Variants in CCDC88C observed in about 807,000 individuals in gnomAD.
CCDC88C encodes the protein protein Daple.
A neutral mutation model predicts 198.8 loss-of-function variants in CCDC88C; 131 were observed. The ratio of observed to expected loss-of-function variants is 0.66; its 90% CI spans 0.57 to 0.76. The LOEUF (loss-of-function observed/expected upper bound fraction) is 0.76. Among genes scored for constraint, CCDC88C ranks in the 30% least tolerant of loss-of-function variants. The pLI is 0.00. For synonymous variants in CCDC88C, 1,166 were observed against 1,114.7 expected (o/e 1.05, Z -0.92); for missense variants, 2,553 against 2,631.6 (o/e 0.97, Z 0.65).
intron 10 of CCDC88C, among the ~76,000 whole-genome samples, chr14:91,337,212 T>A (rs1893086275): frequency 6.6e-6 from 1 of 152,238 alleles, no homozygotes; most frequent in Non-Finnish European, 1.5e-5. Flanking sequence ...CCCTTTCACC[T>A]ACATTTTTCC....
At chr14:91,321,370 C>A in intron 12 of CCDC88C, 66 bp from the exon 13 acceptor site, 1 of 1,500,250 alleles carries the variant, frequency 6.7e-7, no homozygotes. Context: ...CTGCCCCAAG[C>A]TCCGAGATGG....
At chr14:91,361,760 GA>G (rs1429291017) in intron 3 of CCDC88C, among the ~76,000 whole-genome samples, 4 of 152,116 alleles carry the variant, frequency 2.6e-5, no homozygotes, top group African/African-American at 9.7e-5. Flanking sequence ...AAGTCAATGT[GA>G]AAAAATTGTC....
chr14:91,412,327 A>C (rs1886831783), intron 2 of CCDC88C, among the ~76,000 whole-genome samples: 1 of 152,228 alleles, frequency 6.6e-6, no homozygotes, highest in African/African-American at 2.4e-5. Context: ...TTCGGAAGGC[A>C]CTAGAATATT....
Position 91,381,985 on chromosome 14 carries a change from T to C in CCDC88C, c.271-22274A>G, listed in dbSNP as rs917035601. ...CATCTTGTCTTCATTGTTTCACACT[T>C]TGACTCATCCTCTACTAGGATAGGT... is the stretch of plus-strand genomic sequence containing the variant. On this transcript the variant is annotated intron_variant, in intron 3 of 29. Coordinates refer to ENST00000389857, the MANE Select transcript of CCDC88C (RefSeq NM_001080414.4). This position sits in a 1 kb window ranked among gnomAD's most constrained non-coding sequence, Gnocchi z 4.2. 2.6e-5 allele frequency among the ~76,000 whole-genome samples: 4 copies of C among 152,156 alleles called. No homozygotes were observed. The highest frequency in any genetic ancestry group is 7.2e-5 in the African/African-American group (3 of 41,418).
intron 22 of CCDC88C, 70 bp from the exon 23 acceptor site, chr14:91,294,388 C>T (rs1890907077): frequency 1.3e-6 from 2 of 1,559,464 alleles, no homozygotes; most frequent in Non-Finnish European, 1.7e-6. Context: ...AACCTAGCTC[C>T]CAAAGGAAGA....
intron 3 of CCDC88C, among the ~76,000 whole-genome samples, chr14:91,378,235 T>A (rs1884572326): frequency 6.6e-6 from 1 of 152,100 alleles, no homozygotes; most frequent in Non-Finnish European, 1.5e-5. Flanking sequence ...CCAGCAGGCA[T>A]CCTGAAGTGG....
At chr14:91,306,849 T>C (rs1191722345) in intron 18 of CCDC88C, among the ~76,000 whole-genome samples, 189 bp downstream of exon 18, 3 of 152,240 alleles carry the variant, frequency 2.0e-5, no homozygotes, top group Admixed American at 2.0e-4. Flanking sequence ...GTGCCCCTGA[T>C]GTGAGAATCA....
At chr14:91,403,426 TGAA>T (rs1465971667) in intron 3 of CCDC88C, among the ~76,000 whole-genome samples, 8 of 152,186 alleles carry the variant, frequency 5.3e-5, no homozygotes, top group Admixed American at 5.2e-4. Flanking sequence ...GGCGCCGGAC[TGAA>T]GGTGTCCAGG....
chr14:91,325,051 A>C lies in CCDC88C; in HGVS notation c.1198-128T>G. On this transcript the variant is annotated intron_variant, in intron 11 of 29. Transcript: ENST00000389857. The surrounding 1 kb of genome is among the most constrained non-coding windows in gnomAD (Gnocchi z 4.1). ...GATGTACTGGCTCACTTCCAAATAA[A>C]CAGAGCTGCACAGAAACATCCCAAC... 4.3e-6 allele frequency: 5 copies of C among 1,151,896 alleles called. No homozygotes were observed. Among genetic ancestry groups the C allele is most frequent in the East Asian group, 2.5e-5 (1 of 39,336 alleles). 71.4% of individuals were successfully genotyped at this position (1,151,896 alleles called of 1,614,324 possible).
At chr14:91,364,797 C>T (rs934578409) in intron 3 of CCDC88C, among the ~76,000 whole-genome samples, 2 of 152,204 alleles carry the variant, frequency 1.3e-5, no homozygotes, top group African/African-American at 2.4e-5. Context: ...AGGCCTGTAG[C>T]GGTGGCTTTC....
At chr14:91,400,564 A>T (rs1274463571) in intron 3 of CCDC88C, among the ~76,000 whole-genome samples, 2 of 152,192 alleles carry the variant, frequency 1.3e-5, no homozygotes, top group Admixed American at 6.5e-5. Flanking sequence ...CTCTAACCCC[A>T]CTACGATTCC....
chr14:91,302,801 A>G (rs1891359792), intron 20 of CCDC88C, among the ~76,000 whole-genome samples: 1 of 152,120 alleles, frequency 6.6e-6, no homozygotes, highest in Non-Finnish European at 1.5e-5. Context: ...AGCAAGCGAG[A>G]CCTTGATATG....
rs1418510757 is a variant in CCDC88C, at chr14:91,284,427, C to T, written c.4442-910G>A. On this transcript the variant is annotated intron_variant, in intron 25 of 29. Transcript: ENST00000389857. This position sits in a 1 kb window ranked among gnomAD's most constrained non-coding sequence, Gnocchi z 4.1. ...GGGAAATTTGGATTTTGAAAGATAACCTTGATGAGAAGCAAGATTCAAGTC... is the reference window on the plus strand; with the variant it reads ...GGGAAATTTGGATTTTGAAAGATAATCTTGATGAGAAGCAAGATTCAAGTC... 1.3e-5 allele frequency among the ~76,000 whole-genome samples: 2 copies of T among 152,154 alleles called. No homozygotes were observed. The highest frequency in any genetic ancestry group is 4.8e-5 in the African/African-American group (2 of 41,430).
intron 27 of CCDC88C, 75 bp from the exon 28 acceptor site, chr14:91,279,381 CG>C (rs1236132502): frequency 2.4e-6 from 3 of 1,268,064 alleles, no homozygotes; most frequent in Non-Finnish European, 3.3e-6. Flanking sequence ...CTAAGAAAAA[CG>C]ATGCAGCAAA....
At chr14:91,307,339 C>A in intron 17 of CCDC88C, 113 bp from the exon 18 acceptor site, 4 of 894,236 alleles carry the variant, frequency 4.5e-6, no homozygotes, top group Non-Finnish European at 7.2e-6. Flanking sequence ...CCCATACTCG[C>A]CCGCCCTGGT....
intron 3 of CCDC88C, among the ~76,000 whole-genome samples, chr14:91,361,308 G>A (rs908761463): frequency 3.9e-5 from 6 of 152,094 alleles, no homozygotes; most frequent in African/African-American, 9.7e-5. Context: ...CATAACATGC[G>A]GAATCTCTAT....
chr14:91,417,489 C>T (rs560926815), intron 1 of CCDC88C, 142 bp downstream of exon 1: 2 of 659,652 alleles, frequency 3.0e-6, no homozygotes, highest in South Asian at 4.0e-5. Flanking sequence ...GCGGCCCCAA[C>T]CCCGGCCGGG....
intron 3 of CCDC88C, among the ~76,000 whole-genome samples, chr14:91,391,042 T>C (rs1340066072): frequency 6.6e-6 from 1 of 152,166 alleles, no homozygotes. Flanking sequence ...TAAGGATTCT[T>C]AGCAGCAGTC....
intron 15 of CCDC88C, among the ~76,000 whole-genome samples, chr14:91,312,727 C>T (rs1171938938): frequency 6.6e-6 from 1 of 152,116 alleles, no homozygotes; most frequent in Non-Finnish European, 1.5e-5. Flanking sequence ...AAATATCTTA[C>T]GGCCATTGGG....
Sources: allele counts gnomAD v4.1 joint callset (sites outside exome capture counted in the v4.1 genomes callset), GRCh38; gene constraint gnomAD v4.1.1; non-coding constraint Gnocchi (gnomAD v3.1); transcripts MANE v1.5; gene names NCBI Gene and HGNC (gene_info 2026-07-23, HGNC 2026-07-21).